The following SMARCB1 variants were observed in gnomAD, a reference collection of about 807,000 sequenced individuals.
The protein encoded by SMARCB1 is SWI/SNF-related matrix-associated actin-dependent regulator of chromatin subfamily B member 1.
In SMARCB1, 5 loss-of-function variants were observed where a neutral mutation model predicts 49.0. The observed-to-expected ratio is 0.10, with a 90% CI of 0.05 to 0.21. The LOEUF is 0.21. Ranked by LOEUF, SMARCB1 falls within the 10% of genes least tolerant of loss-of-function variation. The pLI is 1.00. For missense variants in SMARCB1, 226 were observed against 509.2 expected (o/e 0.44, Z 5.35); for synonymous variants, 201 against 200.1 (o/e 1.00, Z -0.04).
chr22:23,816,638 C>T (rs1230019939), intron 5 of SMARCB1, 132 bp from the exon 6 acceptor site: 5 of 865,318 alleles, frequency 5.8e-6, no homozygotes, highest in Non-Finnish European at 9.7e-6. Flanking sequence ...CCAGGAAGGC[C>T]ACCCCCAGTG....
intron 6 of SMARCB1, chr22:23,824,759 G>C (rs2030285203): frequency 4.8e-6 from 1 of 208,464 alleles, no homozygotes; most frequent in African/African-American, 2.3e-5. Flanking sequence ...GGGTGCATCT[G>C]TGAACACGCT....
At chr22:23,810,225 G>A (rs1049931366) in intron 5 of SMARCB1, among the ~76,000 whole-genome samples, 3 of 148,404 alleles carry the variant, frequency 2.0e-5, no homozygotes, top group African/African-American at 7.5e-5. Context: ...CTAAAAGAGT[G>A]GCTAAAAGAA....
chr22:23,815,190 T>C (rs1930112948), intron 5 of SMARCB1: 1 of 152,150 alleles, frequency 6.6e-6, no homozygotes, highest in Non-Finnish European at 1.5e-5. Flanking sequence ...GATGGGAATG[T>C]AAAGTGGCTG....
Position 23,825,251 on chromosome 22 carries a change from C to G in SMARCB1, c.822C>G (p.Ser274=), listed in dbSNP as rs1386414055. 1.9e-6 allele frequency: 3 copies of G among 1,614,014 alleles called. No individual in the cohort carries two copies. The highest frequency in any genetic ancestry group is 1.3e-5 in the African/African-American group (1 of 74,924). The change falls in exon 7 of 9, where the codon TCC becomes TCG. Residue 274 remains serine (S), a synonymous_variant. Coordinates refer to ENST00000644036, the MANE Select transcript of SMARCB1 (RefSeq NM_003073.5). Reference sequence around the variant, plus strand: ...TGAACATCCATGTGGGAAACATTTCCCTGGTGGACCAGTTTGAGTGGGACA... The same window carrying G: ...TGAACATCCATGTGGGAAACATTTCGCTGGTGGACCAGTTTGAGTGGGACA... The part of the protein sequence containing the change: ...IKLNIHVGNI[S]LVDQFEWDMS...
intron 1 of SMARCB1, among the ~76,000 whole-genome samples, chr22:23,791,453 T>G (rs1362589519): frequency 6.6e-6 from 1 of 152,212 alleles, no homozygotes; most frequent in Admixed American, 6.5e-5. Context: ...GTGCCAGAGA[T>G]CCTTAGTCCA....
intron 5 of SMARCB1, among the ~76,000 whole-genome samples, chr22:23,813,254 T>C (rs967448481): frequency 2.0e-5 from 3 of 152,236 alleles, no homozygotes; most frequent in African/African-American, 7.2e-5. Context: ...ACTATTCTTA[T>C]TCAACATAGT....
At chr22:23,824,758 T>C (rs2030284984) in intron 6 of SMARCB1, 1 of 207,536 alleles carries the variant, frequency 4.8e-6, no homozygotes, top group Admixed American at 5.2e-5. Context: ...GGGGTGCATC[T>C]GTGAACACGC....
intron 6 of SMARCB1, chr22:23,824,518 AG>A (rs2030269836): frequency 1.3e-5 from 2 of 153,662 alleles, no homozygotes; most frequent in Non-Finnish European, 2.9e-5. Flanking sequence ...GTGCCTCCCC[AG>A]GGGGGCAGGT....
chr22:23,809,396 T>C (rs4511823), intron 5 of SMARCB1, among the ~76,000 whole-genome samples: 139,903 of 151,566 alleles, frequency 0.92, 64,741 homozygotes, highest in Middle Eastern at 0.96. Context: ...CCTGCCTCAG[T>C]CTCCTGAGTA....
rs1037449404 is a variant in SMARCB1, at chr22:23,837,084, G to A, written c.*2904G>A. 1 of 1,613,952 alleles carries A rather than the reference G, an allele frequency of 6.2e-7. No homozygotes were observed. The highest frequency in any genetic ancestry group is 8.5e-7 in the Non-Finnish European group (1 of 1,179,910). On this transcript the variant is annotated 3_prime_UTR_variant, in exon 9 of 9. Transcript: ENST00000644036. ...CTCACAGGAAGCCAGGGGTCTGCAG[G>A]AGCCTCTTGCCTCCAGGCTGGTTGG...
rs187488637 is a variant in SMARCB1 at position 23,825,407 on chromosome 22, C to T, written c.978C>T (p.Tyr326=). 2.4e-5 allele frequency: 38 copies of T among 1,613,872 alleles called. No homozygotes were observed. In the East Asian group the frequency reaches 2.7e-4, roughly 11 times the overall value. ...RGQLSWHQKT[Y]AFSENPLPTV... ...AGCTGAGCTGGCATCAGAAGACCTA[C>T]GCCTTCAGGTAGGATCATGCATGAG... Residue 326 remains tyrosine, a synonymous_variant, in exon 7 of 9, where the codon TAC becomes TAT. Coordinates refer to ENST00000644036, the MANE Select transcript of SMARCB1 (RefSeq NM_003073.5).
Position 23,834,328 on chromosome 22 carries a change from T to G in SMARCB1, c.*148T>G. On this transcript the variant is annotated 3_prime_UTR_variant, in exon 9 of 9. Transcript: ENST00000644036. ...TGGAGTGGGGGCTTCCAGGTGGCCC[T>G]TCCCGGCACACATTCCATTTGTTGA... The G allele has an allele frequency of 1.2e-6, 1 of 826,400 alleles. No individual in the cohort carries two copies. The highest frequency in any genetic ancestry group is 2.0e-6 in the Non-Finnish European group (1 of 498,710). 51.2% of individuals were successfully genotyped at this position (826,400 alleles called of 1,614,324 possible). A position where few individuals can be genotyped will look rare whatever the true frequency, so the allele number is the denominator to read the frequency against.
chr22:23,803,746 C>A, intron 5 of SMARCB1: 2 of 416,040 alleles, frequency 4.8e-6, no homozygotes, highest in Non-Finnish European at 9.1e-6. Context: ...GAGCCCTGCA[C>A]ACACCTGCCT....
chr22:23,787,365 G>A, intron 1 of SMARCB1, 103 bp downstream of exon 1: 1 of 490,822 alleles, frequency 2.0e-6, no homozygotes, highest in Middle Eastern at 4.8e-4. Context: ...CGGGGCGGGC[G>A]GGCGCGCGCG....
At chr22:23,828,023 A>C (rs1601437152) in intron 7 of SMARCB1, among the ~76,000 whole-genome samples, 2 of 151,978 alleles carry the variant, frequency 1.3e-5, no homozygotes, top group African/African-American at 4.8e-5. Flanking sequence ...TCTCTGCCAC[A>C]CAGAAAGCTT....
intron 6 of SMARCB1, chr22:23,818,698 A>G (rs1442686802): frequency 7.5e-6 from 1 of 133,224 alleles, no homozygotes; most frequent in East Asian, 2.4e-4. Context: ...TTCTGTCTCT[A>G]TGAATTTGAC....
intron 5 of SMARCB1, among the ~76,000 whole-genome samples, chr22:23,809,166 G>A (rs909021788): frequency 2.1e-4 from 32 of 151,778 alleles, no homozygotes; most frequent in Non-Finnish European, 4.0e-4. Context: ...GAAACTGGAC[G>A]CTAGAGCAAG....
intron 3 of SMARCB1, among the ~76,000 whole-genome samples, chr22:23,796,384 G>A (rs1398892724): frequency 6.2e-5 from 9 of 145,920 alleles, no homozygotes; most frequent in African/African-American, 2.2e-4. Flanking sequence ...GCAGTGACCC[G>A]AGACGGGTCC....
chr22:23,796,904 T>C (rs376339880), intron 3 of SMARCB1, among the ~76,000 whole-genome samples: 1 of 152,122 alleles, frequency 6.6e-6, no homozygotes, highest in Admixed American at 6.6e-5. Context: ...AGGGGACTTA[T>C]GGCACCCTCC....
Sources: allele counts gnomAD v4.1 joint callset (sites outside exome capture counted in the v4.1 genomes callset), GRCh38; gene constraint gnomAD v4.1.1; transcripts MANE v1.5; gene names NCBI Gene and HGNC (gene_info 2026-07-23, HGNC 2026-07-21).